CAD: variants seen among roughly 807,000 people sequenced by gnomAD.
The protein encoded by CAD is multifunctional protein CAD.
In CAD, 81 loss-of-function variants were observed where a neutral mutation model predicts 237.2. That is an observed-to-expected ratio of 0.34 (90% CI 0.29 to 0.41). The LOEUF (loss-of-function observed/expected upper bound fraction) is 0.41. Ranked by LOEUF, CAD falls within the 10% of genes least tolerant of loss-of-function variation. CAD has a pLI of 1.00. For missense variants in CAD, 2,181 were observed against 2,951.7 expected (o/e 0.74, Z 6.05); for synonymous variants, 1,196 against 1,162.8 (o/e 1.03, Z -0.58).
At position 27,237,570 on chromosome 2, in the gene CAD, A is replaced by G. The variant is rs765831899; in HGVS notation, c.4563+25A>G. ...GGTGAGCCACTGCACTCTTCCTGGTATTGGAGACCCATATGCCCCTACCAG... is the reference window on the plus strand; with the variant it reads ...GGTGAGCCACTGCACTCTTCCTGGTGTTGGAGACCCATATGCCCCTACCAG... On this transcript the variant is annotated intron_variant, in intron 28 of 43. Coordinates refer to ENST00000264705, the MANE Select transcript of CAD (RefSeq NM_004341.5). The surrounding 1 kb of genome is among the most constrained non-coding windows in gnomAD (Gnocchi z 4.0). 9 of 1,607,200 alleles carry G rather than the reference A, an allele frequency of 5.6e-6. No individual in the cohort carries two copies. The South Asian group carries it at 7.7e-5, about 14-fold the overall frequency.
rs1675249777 is a variant in CAD at position 27,222,963 on chromosome 2, C to T, written c.735C>T (p.Pro245=). Residue 245 remains proline, a synonymous_variant, in exon 6 of 44, where the codon CCC becomes CCT. Transcript: ENST00000264705. Reference sequence around the variant, plus strand: ...GCCGTGTTTTATCTGAGCCTAATCCCCGACCTGTCTTTGGGATCTGCCTGG... The same window carrying T: ...GCCGTGTTTTATCTGAGCCTAATCCTCGACCTGTCTTTGGGATCTGCCTGG... The part of the protein sequence containing the change: ...TLSRVLSEPN[P]RPVFGICLGH... 1 of 1,614,210 alleles carries T rather than the reference C, an allele frequency of 6.2e-7. No homozygotes were observed. The highest frequency in any genetic ancestry group is 1.3e-5 in the African/African-American group (1 of 75,030).
At position 27,242,201 on chromosome 2, in the gene CAD, C is replaced by A. The variant is rs1676354151; in HGVS notation, c.6096+78C>A. 1 of 1,587,424 alleles carries A rather than the reference C, an allele frequency of 6.3e-7. No individual in the cohort carries two copies. Among genetic ancestry groups the A allele is most frequent in the Non-Finnish European group, 8.6e-7 (1 of 1,163,502 alleles). On this transcript the variant is annotated intron_variant, in intron 39 of 43. Coordinates refer to ENST00000264705, the MANE Select transcript of CAD (RefSeq NM_004341.5). This position sits in a 1 kb window ranked among gnomAD's most constrained non-coding sequence, Gnocchi z 6.4. Reference sequence around the variant, plus strand: ...ATGAGAACCCTTCTGCCCACGTTTTCTGTGTTTTGGGCCAGATGAGTGAGG... The same window carrying A: ...ATGAGAACCCTTCTGCCCACGTTTTATGTGTTTTGGGCCAGATGAGTGAGG...
chr2:27,238,506 A>T lies in CAD; in HGVS notation c.4936A>T (p.Ser1646Cys), dbSNP rs1274114912. Residue 1646 changes from serine (S) to cysteine (C), a missense_variant, in exon 31 of 44, where the codon AGC becomes TGC. By Grantham distance (112) the Ser-to-Cys change is moderately radical. This residue lies in a region of CAD where 478 missense variants were observed against 515.0 expected (regional missense o/e 0.93). Coordinates refer to ENST00000264705, the MANE Select transcript of CAD (RefSeq NM_004341.5). ...GGTGGCTCCCCACCACCTGTTCCTAAGCCATGATGACCTGGAGCGCCTGGG... is the reference window on the plus strand; with the variant it reads ...GGTGGCTCCCCACCACCTGTTCCTATGCCATGATGACCTGGAGCGCCTGGG... ...CEVAPHHLFL[S>C]HDDLERLGPG... 6.2e-7 allele frequency: 1 copy of T among 1,613,124 alleles called. No homozygotes were observed. Among genetic ancestry groups the T allele is most frequent in the Non-Finnish European group, 8.5e-7 (1 of 1,179,648 alleles).
rs772623064 is a variant in CAD, at chr2:27,235,680, C to A, written c.4074+40C>A. 1.9e-6 allele frequency: 3 copies of A among 1,547,736 alleles called. No individual in the cohort carries two copies. The highest frequency in any genetic ancestry group is 2.2e-5 in the East Asian group (1 of 44,564). On this transcript the variant is annotated intron_variant, in intron 25 of 43. Transcript: ENST00000264705. This position sits in a 1 kb window ranked among gnomAD's most constrained non-coding sequence, Gnocchi z 5.2. The stretch of plus-strand genomic sequence containing the variant: ...GCAACCTACCCCACTGCTGCCCTTC[C>A]CCAAGGGGGTGAAAATACTGCACCA...
chr2:27,238,724 CTA>C, intron 31 of CAD, 92 bp downstream of exon 31: 1 of 1,210,656 alleles, frequency 8.3e-7, no homozygotes, highest in Admixed American at 2.3e-5. Context: ...CCTCAGGACT[CTA>C]CTAGGACAGG....
chr2:27,225,306 T>TTTC (rs1553367435), intron 11 of CAD, 63 bp downstream of exon 11: 2 of 680,762 alleles, frequency 2.9e-6, no homozygotes, highest in African/African-American at 3.9e-5. Context: ...TTATTTTCTT[T>TTTC]TTTTTTTTTT....
At position 27,236,469 on chromosome 2, in the gene CAD, T is replaced by C; in HGVS notation, c.4260T>C (p.Ala1420=). 1 of 1,613,948 alleles carries C rather than the reference T, an allele frequency of 6.2e-7. No individual in the cohort carries two copies. The change falls in exon 26 of 44, where the codon GCT becomes GCC. Residue 1420 remains alanine (A), a synonymous_variant. Coordinates refer to ENST00000264705, the MANE Select transcript of CAD (RefSeq NM_004341.5). This position sits in a 1 kb window ranked among gnomAD's most constrained non-coding sequence, Gnocchi z 4.1. ...TKGYRTRRLA[A]DFSVPLIIDI... ...GCTACCGCACCCGACGCTTGGCCGC[T>C]GACTTCTCCGTGCCCCTAATCATCG...
Position 27,241,457 on chromosome 2 carries a change from C to T in CAD, c.5883+61C>T. On this transcript the variant is annotated intron_variant, in intron 38 of 43. Coordinates refer to ENST00000264705, the MANE Select transcript of CAD (RefSeq NM_004341.5). The surrounding 1 kb of genome is among the most constrained non-coding windows in gnomAD (Gnocchi z 4.6). ...CGCCTGCCCTTGGGCCGCATCAGCG[C>T]AGGGCCGCGCAGTGGTCAGAGTGGG... 8.0e-6 allele frequency: 12 copies of T among 1,508,276 alleles called. No individual in the cohort carries two copies. The highest frequency in any genetic ancestry group is 9.2e-6 in the Non-Finnish European group (10 of 1,084,784). The allele number at this position is 1,508,276 out of a possible 1,614,324, so 93.4% of individuals were successfully genotyped here.
At chr2:27,224,968 C>G in intron 10 of CAD, 42 bp from the exon 11 acceptor site, 9 of 1,606,718 alleles carry the variant, frequency 5.6e-6, no homozygotes, top group Non-Finnish European at 5.1e-6. Context: ...GCCTCTCTAC[C>G]CACAAGGTTC....
In CAD at chr2:27,233,053, G is replaced by A; in HGVS notation, c.2904G>A (p.Lys968=). The part of the protein sequence containing the change: ...CIQQLRKMGY[K]TIMVNYNPET... ...CCTCCCTCTTGCAGATGGGATATAA[G>A]ACCATCATGGTGAACTATAACCCAG... The change falls in exon 19 of 44, where the codon AAG becomes AAA. Residue 968 remains lysine, a synonymous_variant. Coordinates refer to ENST00000264705, the MANE Select transcript of CAD (RefSeq NM_004341.5). This position sits in a 1 kb window ranked among gnomAD's most constrained non-coding sequence, Gnocchi z 6.3. The A allele has an allele frequency of 6.2e-7, 1 of 1,609,366 alleles. No homozygotes were observed. The highest frequency in any genetic ancestry group is 8.5e-7 in the Non-Finnish European group (1 of 1,175,782).
At chr2:27,229,964 G>A (rs1313540289) in intron 15 of CAD, among the ~76,000 whole-genome samples, 5 of 152,164 alleles carry the variant, frequency 3.3e-5, no homozygotes, top group East Asian at 3.9e-4. Context: ...TTGGTTGGGC[G>A]CAGTGGCACA....
At chr2:27,223,449 A>G (rs1300154018) in intron 6 of CAD, 114 bp from the exon 7 acceptor site, 2 of 1,006,786 alleles carry the variant, frequency 2.0e-6, no homozygotes, top group Non-Finnish European at 2.9e-6. Flanking sequence ...AAAAAAAACA[A>G]AAAGGAAACA....
rs1676366750 is a variant in CAD at position 27,242,454 on chromosome 2, C to T, written c.6222+27C>T. The T allele has an allele frequency of 1.2e-6, 2 of 1,607,670 alleles. No individual in the cohort carries two copies. Among genetic ancestry groups the T allele is most frequent in the Admixed American group, 3.4e-5 (2 of 59,518 alleles). On this transcript the variant is annotated intron_variant, in intron 40 of 43. Transcript: ENST00000264705. The surrounding 1 kb of genome is among the most constrained non-coding windows in gnomAD (Gnocchi z 6.4). Reference sequence around the variant, plus strand: ...TGAGGGTGGTGGCAGGGTTTGGATCCCTGCCAGGGGACGATCTAGAGAGGG... The same window carrying T: ...TGAGGGTGGTGGCAGGGTTTGGATCTCTGCCAGGGGACGATCTAGAGAGGG...
intron 3 of CAD, among the ~76,000 whole-genome samples, chr2:27,221,780 T>TTTTA (rs1491358907): frequency 1.7e-5 from 2 of 118,888 alleles, no homozygotes; most frequent in African/African-American, 7.1e-5. Flanking sequence ...TTTTTTTTTT[T>TTTTA]CTGTTCATTT....
intron 7 of CAD, 74 bp downstream of exon 7, chr2:27,223,822 A>G (rs1675298435): frequency 1.1e-5 from 17 of 1,560,872 alleles, no homozygotes; most frequent in Non-Finnish European, 1.4e-5. Flanking sequence ...AAAGCACGGC[A>G]GTGGATCCGA....
chr2:27,225,302 T>TC (rs1185294177), intron 11 of CAD, 59 bp downstream of exon 11: 503 of 910,380 alleles, frequency 5.5e-4, no homozygotes, highest in Non-Finnish European at 2.7e-4. Context: ...AGTGTTATTT[T>TC]CTTTTTTTTT....
Position 27,225,882 on chromosome 2 carries a change from A to G in CAD, c.1798A>G (p.Ile600Val), listed in dbSNP as rs763974994. 4 of 1,614,144 alleles carry G rather than the reference A, an allele frequency of 2.5e-6. No homozygotes were observed. The change falls in exon 12 of 44, where the codon ATT becomes GTT. Residue 600 changes from isoleucine (I) to valine (V), a missense_variant. Transcript: ENST00000264705. ...VDKSLKGWKEIEYEVVRDAYG... is the reference protein window; with the variant it reads ...VDKSLKGWKEVEYEVVRDAYG... ...CAAGTCTCTGAAGGGATGGAAGGAG[A>G]TTGAGTACGAGGTGGTGAGAGACGC...
At chr2:27,225,549 A>ACAC (rs565196273) in intron 11 of CAD, among the ~76,000 whole-genome samples, 156 bp from the exon 12 acceptor site, 21 of 145,408 alleles carry the variant, frequency 1.4e-4, no homozygotes, top group Non-Finnish European at 3.0e-4. Context: ...CAGGTGATCC[A>ACAC]CCCCCCCGAC....
chr2:27,239,716 A>T lies in CAD; in HGVS notation c.5414A>T (p.Tyr1805Phe). The T allele has an allele frequency of 2.5e-6, 4 of 1,592,354 alleles. No homozygotes were observed. The highest frequency in any genetic ancestry group is 3.4e-6 in the Non-Finnish European group (4 of 1,168,356). The change falls in exon 34 of 44, where the codon TAT becomes TTT. Residue 1805 changes from tyrosine (Y) to phenylalanine (F), a missense_variant. By Grantham distance (22) the Tyr-to-Phe change is conservative. This residue lies in a region of CAD where 478 missense variants were observed against 515.0 expected (regional missense o/e 0.93). Coordinates refer to ENST00000264705, the MANE Select transcript of CAD (RefSeq NM_004341.5). The surrounding 1 kb of genome is among the most constrained non-coding windows in gnomAD (Gnocchi z 4.0). ...IDGQVLVPPG[Y>F]GQDVRKWPQG... ...CTGCAGGTTCTGGTACCCCCGGGCTATGGACAGGATGTACGGAAGTGGCCA... is the reference window on the plus strand; with the variant it reads ...CTGCAGGTTCTGGTACCCCCGGGCTTTGGACAGGATGTACGGAAGTGGCCA...
Sources: gnomAD v4.1 joint callset for allele counts (sites outside exome capture counted in the v4.1 genomes callset) on GRCh38, gnomAD v4.1.1 for gene constraint, gnomAD v4.1.1 regional missense constraint, Gnocchi (gnomAD v3.1) non-coding constraint, MANE v1.5 for transcripts, NCBI Gene and HGNC (gene_info 2026-07-23, HGNC 2026-07-21) for gene names.